NR2F2: variants seen among roughly 807,000 people sequenced by gnomAD.
NR2F2 encodes nuclear receptor subfamily 2 group F member 2, also known as COUP transcription factor 2.
NR2F2 carries 2 observed loss-of-function variants against 34.8 expected under a neutral mutation model. That is an observed-to-expected ratio of 0.06 (90% CI 0.02 to 0.18). The LOEUF is 0.18. NR2F2 is among the 10% of genes least tolerant of loss of function. The probability of loss-of-function intolerance (pLI) is 1.00; values close to 1 mark genes in which losing one functional copy is unlikely to be tolerated. For missense variants in NR2F2, 300 were observed against 580.1 expected, an observed-to-expected ratio of 0.52 and a Z score of 4.96; for synonymous variants, 274 against 251.8, an observed-to-expected ratio of 1.09 and a Z score of -0.84.
chr15:96,331,597 C>CCTT lies in NR2F2; in HGVS notation c.-507_-506insTCT. Reference sequence around the variant, plus strand: ...TCTTCCTCCTCCTCCTCCTCCTCCTCCTCCGCCAACTCCTCGGCTGCACAC... The same window carrying CCTT: ...TCTTCCTCCTCCTCCTCCTCCTCCTCCTTCTCCGCCAACTCCTCGGCTGCACAC... On this transcript the variant is annotated 5_prime_UTR_variant, in exon 1 of 3. Coordinates refer to ENST00000394166, the MANE Select transcript of NR2F2 (RefSeq NM_021005.4). The CCTT allele has an allele frequency of 2.5e-6, 3 of 1,211,638 alleles. No homozygotes were observed. Among genetic ancestry groups the CCTT allele is most frequent in the Non-Finnish European group, 3.1e-6 (3 of 976,034 alleles). The allele number at this position is 1,211,638 out of a possible 1,614,324, so 75.1% of individuals were successfully genotyped here.
intron 2 of NR2F2, among the ~76,000 whole-genome samples, chr15:96,335,940 C>A (rs777788029): frequency 6.6e-6 from 1 of 152,174 alleles, no homozygotes. Context: ...AAGCTGTTTG[C>A]AGAGGTTTGG....
intron 1 of NR2F2, chr15:96,333,677 C>T: frequency 2.7e-6 from 3 of 1,108,052 alleles, no homozygotes; most frequent in Non-Finnish European, 3.3e-6. Context: ...AGCGCCTCAC[C>T]CTCCCCCCAG....
rs2141166481 is a variant in NR2F2 at position 96,332,039 on chromosome 15, A to G, written c.-67A>G. The G allele has an allele frequency of 1.6e-6, 2 of 1,235,540 alleles. No homozygotes were observed. The allele number at this position is 1,235,540 out of a possible 1,614,324, so 76.5% of individuals were successfully genotyped here. On this transcript the variant is annotated 5_prime_UTR_variant, in exon 1 of 3. Coordinates refer to ENST00000394166, the MANE Select transcript of NR2F2 (RefSeq NM_021005.4). ...GCGCGCCGGAGCCCGAGACCCGGGG[A>G]GCCGCCGCCGCCCCGCCGCCGCCCG... is the stretch of plus-strand genomic sequence containing the variant.
At position 96,331,409 on chromosome 15, in the gene NR2F2, G is replaced by A. The variant is rs1899137304; in HGVS notation, c.-697G>A. On this transcript the variant is annotated 5_prime_UTR_variant, in exon 1 of 3. Coordinates refer to ENST00000394166, the MANE Select transcript of NR2F2 (RefSeq NM_021005.4). ...TCCGCGGGCCGCCGGCCTCCGCCCC[G>A]GCCTGCCTGGCTCCCTGGGCGCGCC... 2 of 1,229,952 alleles carry A rather than the reference G, an allele frequency of 1.6e-6. No homozygotes were observed. The highest frequency in any genetic ancestry group is 2.0e-6 in the Non-Finnish European group (2 of 987,088). The allele number at this position is 1,229,952 out of a possible 1,614,324, so 76.2% of individuals were successfully genotyped here.
chr15:96,335,486 G>A (rs2141170357), intron 2 of NR2F2, among the ~76,000 whole-genome samples: 1 of 152,290 alleles, frequency 6.6e-6, no homozygotes, highest in African/African-American at 2.4e-5. Flanking sequence ...TGAGCTTTTT[G>A]GCTGCCTCCA....
chr15:96,327,815 T>C (rs1899032529), upstream of NR2F2, among the ~76,000 whole-genome samples: 1 of 152,252 alleles, frequency 6.6e-6, no homozygotes. Flanking sequence ...AAGAAAATTA[T>C]ATTCCTGGGT....
rs570693944 is a variant in NR2F2 at position 96,333,752 on chromosome 15, G to A, written c.443-324G>A. ...ATATCAGCTGTTTAGCAGTAAAGAA[G>A]AAAGATGCCCTCAGAATGCTACATC... is the stretch of plus-strand genomic sequence containing the variant. On this transcript the variant is annotated intron_variant, in intron 1 of 2. Transcript: ENST00000394166. 3 of 1,333,540 alleles carry A rather than the reference G, an allele frequency of 2.2e-6. No homozygotes were observed. In the Admixed American group the frequency reaches 1.0e-4, roughly 44 times the overall value. The allele number at this position is 1,333,540 out of a possible 1,614,324, so 82.6% of individuals were successfully genotyped here.
intron 1 of NR2F2, chr15:96,333,159 G>A (rs934074589): frequency 5.6e-6 from 1 of 177,236 alleles, no homozygotes; most frequent in African/African-American, 2.4e-5. Context: ...GTAGGAAAGG[G>A]TGGGCGAGGG....
chr15:96,330,932 C>A lies in NR2F2; in HGVS notation c.-1174C>A. The A allele has an allele frequency of 1.8e-6, 2 of 1,134,436 alleles. No individual in the cohort carries two copies. Among genetic ancestry groups the A allele is most frequent in the Non-Finnish European group, 2.2e-6 (2 of 923,858 alleles). The allele number at this position is 1,134,436 out of a possible 1,614,324, so 70.3% of individuals were successfully genotyped here. On this transcript the variant is annotated 5_prime_UTR_variant, in exon 1 of 3. Transcript: ENST00000394166. ...TCATTCTTTCTCTCCGTCTTTTTCT[C>A]CCCCCTCTGCGCACGAAGGATGTGC...
chr15:96,332,188 CCGTGCCCGGCCCGCCGCCCGG>C lies in NR2F2; in HGVS notation c.86_106del (p.Val29_Gly35del). ...GGCAGCCAGGCCTCGCAGGCGCCGC[CCGTGCCCGGCCCGCCGCCCGG>C]CGCCCCGCACACGCCACAGACGCCC... is the stretch of plus-strand genomic sequence containing the variant. On this transcript the variant is annotated inframe_deletion, in exon 1 of 3. Transcript: ENST00000394166. 1 of 1,331,748 alleles carries C rather than the reference CCGTGCCCGGCCCGCCGCCCGG, an allele frequency of 7.5e-7. No homozygotes were observed. Among genetic ancestry groups the C allele is most frequent in the Non-Finnish European group, 9.6e-7 (1 of 1,043,550 alleles). 82.5% of individuals were successfully genotyped at this position (1,331,748 alleles called of 1,614,324 possible).
chr15:96,336,197 A>G (rs1012037187), intron 2 of NR2F2, among the ~76,000 whole-genome samples: 18 of 152,150 alleles, frequency 1.2e-4, no homozygotes, highest in African/African-American at 4.1e-4. Flanking sequence ...TTAATTTATG[A>G]CTATTTGCAA....
At position 96,331,391 on chromosome 15, in the gene NR2F2, G is replaced by T; in HGVS notation, c.-715G>T. 8.2e-7 allele frequency: 1 copy of T among 1,226,694 alleles called. No homozygotes were observed. Among genetic ancestry groups the T allele is most frequent in the East Asian group, 3.2e-5 (1 of 31,366 alleles). The allele number at this position is 1,226,694 out of a possible 1,614,324, so 76.0% of individuals were successfully genotyped here. ...GGGCAGCGCTCCGGCCACTCCGCGG[G>T]CCGCCGGCCTCCGCCCCGGCCTGCC... is the stretch of plus-strand genomic sequence containing the variant. On this transcript the variant is annotated 5_prime_UTR_variant, in exon 1 of 3. Transcript: ENST00000394166.
chr15:96,332,941 C>CCAA (rs1899194044), intron 1 of NR2F2, among the ~76,000 whole-genome samples: 2 of 58,034 alleles, frequency 3.4e-5, no homozygotes, highest in East Asian at 5.6e-4. Flanking sequence ...CCCACCCTCT[C>CCAA]AAAAAAAAAA....
At chr15:96,330,083 C>A (rs1364823481), upstream of NR2F2, among the ~76,000 whole-genome samples, 1 of 152,164 alleles carries the variant, frequency 6.6e-6, no homozygotes, top group African/African-American at 2.4e-5. Context: ...TTGGAAAATG[C>A]CTACAAGCTC....
rs889515199 is a variant in NR2F2, at chr15:96,338,715, A to C, written c.*1093A>C. The C allele has an allele frequency of 6.6e-6, 1 of 152,552 alleles. No homozygotes were observed. Among genetic ancestry groups the C allele is most frequent in the African/African-American group, 2.4e-5 (1 of 41,434 alleles). 9.4% of individuals were successfully genotyped at this position (152,552 alleles called of 1,614,324 possible). ...TAAGTGCAACATTTCTGTATACTGT[A>C]AAAGTTATAATAACTGAACTGTTTG... On this transcript the variant is annotated 3_prime_UTR_variant, in exon 3 of 3. Transcript: ENST00000394166.
intron 1 of NR2F2, chr15:96,333,396 A>G: frequency 2.0e-6 from 2 of 1,001,880 alleles, no homozygotes; most frequent in Non-Finnish European, 2.4e-6. Context: ...CCCGGCCCTT[A>G]CAGGCCCTGC....
chr15:96,326,362 C>T (rs1898983591), upstream of NR2F2: 3 of 1,610,832 alleles, frequency 1.9e-6, no homozygotes, highest in South Asian at 2.2e-5. This position sits in a 1 kb window ranked among gnomAD's most constrained non-coding sequence, Gnocchi z 5.5. Flanking sequence ...GGTATGTTTA[C>T]TTACAGTATT....
At chr15:96,336,228 G>A (rs1320157738) in intron 2 of NR2F2, among the ~76,000 whole-genome samples, 1 of 152,202 alleles carries the variant, frequency 6.6e-6, no homozygotes, top group African/African-American at 2.4e-5. Flanking sequence ...CCTGTGTGGA[G>A]AATGCAAATC....
At position 96,331,532 on chromosome 15, in the gene NR2F2, CCT is replaced by C; in HGVS notation, c.-570_-569del. ...CCTGGACTTGGCCCCCGGACAGTCG[CCT>C]CTCCTCCTCCTCTACCTCCTCCTTC... On this transcript the variant is annotated 5_prime_UTR_variant, in exon 1 of 3. An upstream open reading frame in the 5' UTR loses its in-frame stop. Coordinates refer to ENST00000394166, the MANE Select transcript of NR2F2 (RefSeq NM_021005.4). 1 of 1,229,646 alleles carries C rather than the reference CCT, an allele frequency of 8.1e-7. No homozygotes were observed. The highest frequency in any genetic ancestry group is 1.0e-6 in the Non-Finnish European group (1 of 986,946). The allele number at this position is 1,229,646 out of a possible 1,614,324, so 76.2% of individuals were successfully genotyped here. A position where few individuals can be genotyped will look rare whatever the true frequency, so the allele number is the denominator to read the frequency against.
Sources: gnomAD v4.1 joint callset for allele counts (sites outside exome capture counted in the v4.1 genomes callset) on GRCh38, gnomAD v4.1.1 for gene constraint, Gnocchi (gnomAD v3.1) non-coding constraint, MANE v1.5 for transcripts, NCBI Gene and HGNC (gene_info 2026-07-23, HGNC 2026-07-21) for gene names.